Variants in CAMTA2 observed in about 807,000 individuals in gnomAD.
CAMTA2 encodes calmodulin binding transcription activator 2, also known as calmodulin-binding transcription activator 2.
Under a neutral mutation model 135.7 loss-of-function variants are expected in CAMTA2, and 56 were observed. The observed-to-expected ratio is 0.41, with a 90% CI of 0.33 to 0.52. The LOEUF is 0.52. Among genes scored for constraint, CAMTA2 ranks in the 20% least tolerant of loss-of-function variants. The pLI, the probability that CAMTA2 is intolerant of heterozygous loss-of-function variation, is 0.16. For synonymous variants in CAMTA2, 591 were observed against 604.6 expected (o/e 0.98, Z 0.33); for missense variants, 1,358 against 1,553.4 (o/e 0.87, Z 2.11).
At chr17:4,976,356 T>C (rs977534103) in intron 11 of CAMTA2, among the ~76,000 whole-genome samples, 1 of 152,158 alleles carries the variant, frequency 6.6e-6, no homozygotes, top group Non-Finnish European at 1.5e-5. Flanking sequence ...CAAATTTCTG[T>C]TAATGAACAC....
chr17:4,971,020 C>G (rs1972250485), intron 16 of CAMTA2, among the ~76,000 whole-genome samples: 1 of 152,238 alleles, frequency 6.6e-6, no homozygotes. Context: ...ACACACTCAA[C>G]ACAACCTACT....
At chr17:4,970,646 G>A in intron 16 of CAMTA2, 110 bp from the exon 17 acceptor site, 1 of 874,032 alleles carries the variant, frequency 1.1e-6, no homozygotes. Context: ...TGCTAACCCT[G>A]TCTTTCTGGG....
chr17:4,980,043 C>G lies in CAMTA2; in HGVS notation c.1279G>C (p.Gly427Arg), dbSNP rs746576281. 2 of 1,612,580 alleles carry G rather than the reference C, an allele frequency of 1.2e-6. No homozygotes were observed. The highest frequency in any genetic ancestry group is 1.7e-6 in the Non-Finnish European group (2 of 1,178,972). The change falls in exon 9 of 23, where the codon GGT (glycine) becomes CGT (arginine). Residue 427 changes from glycine (G) to arginine (R), a missense_variant. Physicochemically the swap from Gly to Arg is moderately radical, Grantham distance 125 (BLOSUM62 -2). Transcript: ENST00000348066. This position sits in a 1 kb window ranked among gnomAD's most constrained non-coding sequence, Gnocchi z 5.3. ...AALEPQAAAR[G>R]PPPQSVAGGR... ...CCTGCTACTGACTGTGGTGGGGGACCCCGAGCAGCTGCCTGGGGCTCCAGG... is the reference window on the plus strand; with the variant it reads ...CCTGCTACTGACTGTGGTGGGGGACGCCGAGCAGCTGCCTGGGGCTCCAGG...
chr17:4,970,409 C>A lies in CAMTA2; in HGVS notation c.2936G>T (p.Ser979Ile). 1.2e-6 allele frequency: 2 copies of A among 1,614,222 alleles called. No individual in the cohort carries two copies. The highest frequency in any genetic ancestry group is 1.7e-6 in the Non-Finnish European group (2 of 1,180,044). Reference sequence around the variant, plus strand: ...GCTGGCCAGCCAGGACATGGTCTCACTGAGCCCCACAGCCCCTGTCCGCTC... The same window carrying A: ...GCTGGCCAGCCAGGACATGGTCTCAATGAGCCCCACAGCCCCTGTCCGCTC... ...MRERTGAVGL[S>I]ETMSWLASYL... is the part of the protein sequence containing the mutation. Residue 979 changes from serine to isoleucine, a missense_variant, in exon 17 of 23, where the codon AGT becomes ATT. Transcript: ENST00000348066.
chr17:4,985,026 A>C (rs2143064340), intron 3 of CAMTA2, among the ~76,000 whole-genome samples: 1 of 125,192 alleles, frequency 8.0e-6, no homozygotes, highest in Middle Eastern at 4.3e-3. Context: ...CAAAAAAAAA[A>C]CAAACAAAAA....
chr17:4,986,397 A>C (rs1174703534), intron 1 of CAMTA2, 111 bp from the exon 2 acceptor site: 1 of 603,940 alleles, frequency 1.7e-6, no homozygotes, highest in Non-Finnish European at 2.9e-6. Flanking sequence ...GGGAAGGATG[A>C]GGAAAGGGAG....
chr17:4,987,245 G>C, intron 1 of CAMTA2: 2 of 1,341,926 alleles, frequency 1.5e-6, no homozygotes, highest in Non-Finnish European at 1.9e-6. Flanking sequence ...GCGGCCCCCC[G>C]GCGGAGTGGT....
intron 10 of CAMTA2, 100 bp from the exon 11 acceptor site, chr17:4,977,292 A>C: frequency 4.1e-6 from 6 of 1,448,300 alleles, no homozygotes; most frequent in Non-Finnish European, 5.6e-6. Context: ...TATTTCCCCT[A>C]CTGCCCTGCT....
chr17:4,969,094 AGG>A lies in CAMTA2; in HGVS notation c.3470+54_3470+55del, dbSNP rs1035390116. 2.5e-6 allele frequency: 4 copies of A among 1,583,114 alleles called. No homozygotes were observed. Among genetic ancestry groups the A allele is most frequent in the African/African-American group, 2.7e-5 (2 of 74,018 alleles). ...GGCATGATGATCAAGAGGATGAGTA[AGG>A]GGGAATGGCGTGGATGCAGTGGGTG... On this transcript the variant is annotated intron_variant, in intron 21 of 22. Transcript: ENST00000348066. The surrounding 1 kb of genome is among the most constrained non-coding windows in gnomAD (Gnocchi z 5.6).
At position 4,973,643 on chromosome 17, in the gene CAMTA2, G is replaced by C. The variant is rs1017303469; in HGVS notation, c.2143C>G (p.Leu715Val). Residue 715 changes from leucine to valine, a missense_variant, in exon 13 of 23, where the codon CTG (leucine) becomes GTG (valine). Physicochemically the swap from Leu to Val is conservative, Grantham distance 32. Coordinates refer to ENST00000348066, the MANE Select transcript of CAMTA2 (RefSeq NM_015099.4). The part of the protein sequence containing the change: ...HGSPFRGMSL[L>V]HLAAAQGYAR... ...TAGCCCTGGGCAGCAGCCAGGTGCA[G>C]AAGGCTCATGCCCCGGAAGGGGCTT... 6 of 1,614,034 alleles carry C rather than the reference G, an allele frequency of 3.7e-6. No individual in the cohort carries two copies. The highest frequency in any genetic ancestry group is 5.1e-6 in the Non-Finnish European group (6 of 1,180,042).
Position 4,968,748 on chromosome 17 carries a change from T to C in CAMTA2, c.*8A>G. ...GCCCCCAGGGTGGTGAGAAAGGCGG[T>C]GGCCAGGTCATGTGGCCAGTCCCGG... On this transcript the variant is annotated 3_prime_UTR_variant, in exon 23 of 23. Transcript: ENST00000348066. The C allele has an allele frequency of 6.2e-7, 1 of 1,614,038 alleles. No individual in the cohort carries two copies. Among genetic ancestry groups the C allele is most frequent in the South Asian group, 1.1e-5 (1 of 91,086 alleles).
intron 9 of CAMTA2, 154 bp downstream of exon 9, chr17:4,979,521 AAAAAAAAAG>A (rs946683672): frequency 4.4e-6 from 2 of 458,656 alleles, no homozygotes; most frequent in African/African-American, 4.1e-5. Context: ...AAAAAAAAAA[AAAAAAAAAG>A]AGAGAGATTA....
At chr17:4,975,889 A>G (rs1972582400) in intron 11 of CAMTA2, among the ~76,000 whole-genome samples, 1 of 151,124 alleles carries the variant, frequency 6.6e-6, no homozygotes, top group African/African-American at 2.4e-5. Flanking sequence ...AAAAACTCCC[A>G]GATTTAAATA....
Position 4,981,538 on chromosome 17 carries a change from G to T in CAMTA2, c.565+140C>A, listed in dbSNP as rs922108493. On this transcript the variant is annotated intron_variant, in intron 7 of 22. Coordinates refer to ENST00000348066, the MANE Select transcript of CAMTA2 (RefSeq NM_015099.4). ...CCTTTCTCCGTATTCTAATACCTGAGAACACACCGGGAATCCTAGCACCCT... is the reference window on the plus strand; with the variant it reads ...CCTTTCTCCGTATTCTAATACCTGATAACACACCGGGAATCCTAGCACCCT... 1.3e-5 allele frequency: 16 copies of T among 1,264,368 alleles called. No individual in the cohort carries two copies. The African/African-American group carries it at 2.1e-4, about 17-fold the overall frequency. 78.3% of individuals were successfully genotyped at this position (1,264,368 alleles called of 1,614,324 possible).
rs1972771356 is a variant in CAMTA2 at position 4,978,626 on chromosome 17, C to T, written c.1643G>A (p.Gly548Glu). Residue 548 changes from glycine (G) to glutamate (E), a missense_variant, in exon 10 of 23, where the codon GGG becomes GAG. Transcript: ENST00000348066. ...AGGACCTGTGATGAGCACCTTGACC[C>T]CACCCTGCAGACAGAAGTCAGAGAC... ...FSPEWSYPEG[G>E]VKVLITGPWT... 1 of 1,612,480 alleles carries T rather than the reference C, an allele frequency of 6.2e-7. No individual in the cohort carries two copies. Among genetic ancestry groups the T allele is most frequent in the South Asian group, 1.1e-5 (1 of 90,964 alleles).
chr17:4,974,186 G>A (rs891488204), intron 12 of CAMTA2, 199 bp downstream of exon 12: 4 of 571,324 alleles, frequency 7.0e-6, no homozygotes, highest in Admixed American at 3.0e-5. Flanking sequence ...TCTGAAGCCC[G>A]TCATGCCAAG....
In CAMTA2 at chr17:4,969,395, C is replaced by G. The variant is rs189556636; in HGVS notation, c.3283-58G>C. 2 of 1,609,790 alleles carry G rather than the reference C, an allele frequency of 1.2e-6. No homozygotes were observed. Among genetic ancestry groups the G allele is most frequent in the East Asian group, 4.5e-5 (2 of 44,860 alleles). Reference sequence around the variant, plus strand: ...AATAGAGGGACGGAGACCCAAAGCCCTGAGGCTCACCCAAGTTAGGCTGAT... The same window carrying G: ...AATAGAGGGACGGAGACCCAAAGCCGTGAGGCTCACCCAAGTTAGGCTGAT... On this transcript the variant is annotated intron_variant, in intron 20 of 22. Transcript: ENST00000348066. The surrounding 1 kb of genome is among the most constrained non-coding windows in gnomAD (Gnocchi z 5.6).
chr17:4,971,623 G>A (rs1489326346), intron 16 of CAMTA2, among the ~76,000 whole-genome samples: 1 of 152,060 alleles, frequency 6.6e-6, no homozygotes, highest in Non-Finnish European at 1.5e-5. Flanking sequence ...GGGATTACAG[G>A]GGTGAGCCAC....
chr17:4,979,537 A>C, intron 9 of CAMTA2, 147 bp downstream of exon 9: 2 of 451,274 alleles, frequency 4.4e-6, no homozygotes. Context: ...AAAGAGAGAG[A>C]TTAGGTAGAG....
Sources: allele counts gnomAD v4.1 joint callset (sites outside exome capture counted in the v4.1 genomes callset), GRCh38; gene constraint gnomAD v4.1.1; non-coding constraint Gnocchi (gnomAD v3.1); transcripts MANE v1.5; gene names NCBI Gene and HGNC (gene_info 2026-07-23, HGNC 2026-07-21).